Variants in RHD observed in about 807,000 individuals in gnomAD.
RHD encodes Rh blood group D antigen.
A neutral mutation model predicts 45.5 loss-of-function variants in RHD; 16 were observed. The observed-to-expected ratio is 0.35, with a 90% CI of 0.24 to 0.53. RHD has a LOEUF of 0.53. Among genes scored for constraint, RHD ranks in the 20% least tolerant of loss-of-function variants. The probability of loss-of-function intolerance (pLI) is 0.92; values close to 1 mark genes in which losing one functional copy is unlikely to be tolerated. For missense variants in RHD, 306 were observed against 532.0 expected (o/e 0.58, Z 4.18); for synonymous variants, 131 against 217.5 (o/e 0.60, Z 3.50).
At chr1:25,301,121 C>A in intron 4 of RHD, 28 bp downstream of exon 4, 1 of 1,371,364 alleles carries the variant, frequency 7.3e-7, no homozygotes, top group Non-Finnish European at 1.0e-6. Flanking sequence ...TGAGTGGTCT[C>A]CTACTTGGGC....
At position 25,307,871 on chromosome 1, in the gene RHD, C is replaced by T; in HGVS notation, c.1073+1142C>T. The stretch of plus-strand genomic sequence containing the variant: ...GGATGAGCTGTGTGAAGCAAGGCGC[C>T]TCTGTGATGGGTTCCAGTGATGTGT... On this transcript the variant is annotated intron_variant, in intron 7 of 9. Transcript: ENST00000328664. 2 of 1,274,266 alleles carry T rather than the reference C, an allele frequency of 1.6e-6. 1 individual carries two copies. Among genetic ancestry groups the T allele is most frequent in the Non-Finnish European group, 2.2e-6 (2 of 921,702 alleles). 78.9% of individuals were successfully genotyped at this position (1,274,266 alleles called of 1,614,324 possible). A position where few individuals can be genotyped will look rare whatever the true frequency, so the allele number is the denominator to read the frequency against.
intron 8 of RHD, among the ~76,000 whole-genome samples, chr1:25,319,592 G>C (rs1253616620): frequency 7.6e-6 from 1 of 132,156 alleles, no homozygotes; most frequent in African/African-American, 2.6e-5. Context: ...CTGGACAACA[G>C]AGCAAGACCC....
intron 3 of RHD, among the ~76,000 whole-genome samples, chr1:25,292,653 G>A (rs2124647956): frequency 7.7e-6 from 1 of 129,768 alleles, no homozygotes; most frequent in Admixed American, 7.5e-5. Context: ...AAGGTTGGGG[G>A]AGGGGGGGTA....
rs1402673009 is a variant in RHD at position 25,316,089 on chromosome 1, G to A, written c.1074-911G>A. 1.4e-4 allele frequency among the ~76,000 whole-genome samples: 18 copies of A among 131,062 alleles called. 6 individuals carry two copies. Among genetic ancestry groups the A allele is most frequent in the Admixed American group, 2.2e-4 (3 of 13,476 alleles). The allele number at this position is 131,062 out of a possible 152,430, so 86.0% of individuals were successfully genotyped here. A position where few individuals can be genotyped will look rare whatever the true frequency, so the allele number is the denominator to read the frequency against. ...AACTATCCGTGGGGCTGCAGTGAAC[G>A]GGCTGGCAGTGCCCAGGTGCAGGCT... On this transcript the variant is annotated intron_variant, in intron 7 of 9. Transcript: ENST00000328664.
At chr1:25,320,366 A>G (rs1644637061) in intron 8 of RHD, among the ~76,000 whole-genome samples, 2 of 132,280 alleles carry the variant, frequency 1.5e-5, no homozygotes, top group African/African-American at 5.1e-5. Context: ...AATATGTTTA[A>G]TGTTGTCTCA....
intron 3 of RHD, among the ~76,000 whole-genome samples, chr1:25,292,521 G>A (rs1472416624): frequency 7.6e-6 from 1 of 131,766 alleles, no homozygotes; most frequent in African/African-American, 2.6e-5. Context: ...TGACTTCAAG[G>A]TTCTCATCTG....
At chr1:25,299,072 T>TAAAAA (rs34867414) in intron 3 of RHD, among the ~76,000 whole-genome samples, 6 of 40,864 alleles carry the variant, frequency 1.5e-4, no homozygotes, top group Non-Finnish European at 2.3e-4. Context: ...CACATGGTGA[T>TAAAAA]AAAAAAAAAA....
In RHD at chr1:25,284,752, CTG is replaced by C. The variant is rs758701720; in HGVS notation, c.330_331del (p.Phe111GlnfsTer48). The C allele has an allele frequency of 4.8e-5, 67 of 1,388,830 alleles. 9 individuals are homozygous for C. In the African/African-American group the frequency reaches 8.4e-4, roughly 17 times the overall value. 86.0% of individuals were successfully genotyped at this position (1,388,830 alleles called of 1,614,324 possible). A position where few individuals can be genotyped will look rare whatever the true frequency, so the allele number is the denominator to read the frequency against. ...QFPSGKVVITLFSIRLATMSA... is the reference protein window; with the variant it reads ...QFPSGKVVITXFSIRLATMSA... Reference sequence around the variant, plus strand: ...CCCTTCTGGGAAGGTGGTCATCACACTGTTCAGGTATTGGGATGGTGGCTGGA... The same window carrying C: ...CCCTTCTGGGAAGGTGGTCATCACACTTCAGGTATTGGGATGGTGGCTGGA... On this transcript the variant is annotated frameshift_variant, in exon 2 of 10. Coordinates refer to ENST00000328664, the MANE Select transcript of RHD (RefSeq NM_016124.6). LOFTEE classifies it high-confidence loss of function.
chr1:25,296,162 C>T (rs1234048552), intron 3 of RHD, among the ~76,000 whole-genome samples: 1 of 120,096 alleles, frequency 8.3e-6, no homozygotes, highest in African/African-American at 2.8e-5. Context: ...CGCGCCCAGC[C>T]TGGAAGTTTG....
rs1228387887 is a variant in RHD, at chr1:25,274,098, T to G, written c.148+1403T>G. 5.3e-5 allele frequency among the ~76,000 whole-genome samples: 7 copies of G among 132,856 alleles called. No individual in the cohort carries two copies. In the East Asian group the frequency reaches 1.4e-3, roughly 26 times the overall value. The allele number at this position is 132,856 out of a possible 152,430, so 87.2% of individuals were successfully genotyped here. A position where few individuals can be genotyped will look rare whatever the true frequency, so the allele number is the denominator to read the frequency against. On this transcript the variant is annotated intron_variant, in intron 1 of 9. Transcript: ENST00000328664. ...TCCAATGTGGGATCCAGACTCATGA[T>G]GATTAGAGCTGATATTTATGAGCAC...
Position 25,299,072 on chromosome 1 carries a change from TAAAAAAAAA to T in RHD, c.487-1857_487-1849del, listed in dbSNP as rs34867414. Reference sequence around the variant, plus strand: ...GTTTAGAATTGTCAGCACATGGTGATAAAAAAAAAAAAAAAAAAAAAAAAACAGGCTGGG... The same window carrying T: ...GTTTAGAATTGTCAGCACATGGTGATAAAAAAAAAAAAAAAACAGGCTGGG... On this transcript the variant is annotated intron_variant, in intron 3 of 9. Transcript: ENST00000328664. Among the ~76,000 whole-genome samples the T allele has an allele frequency of 1.1e-3, 46 of 40,868 alleles. 2 individuals carry two copies. The highest frequency in any genetic ancestry group is 3.4e-3 in the African/African-American group (44 of 12,838). 26.8% of individuals were successfully genotyped at this position (40,868 alleles called of 152,430 possible).
At chr1:25,296,214 T>A (rs2124659310) in intron 3 of RHD, among the ~76,000 whole-genome samples, 1 of 124,348 alleles carries the variant, frequency 8.0e-6, no homozygotes, top group East Asian at 2.0e-4. Context: ...GTATGTGACT[T>A]TAACCCCTAA....
At chr1:25,300,128 C>G in intron 3 of RHD, among the ~76,000 whole-genome samples, 1 of 131,176 alleles carries the variant, frequency 7.6e-6, no homozygotes, top group Non-Finnish European at 1.8e-5. Flanking sequence ...TCATCACTCC[C>G]GCAGAGTTAA....
Position 25,329,214 on chromosome 1 carries a change from A to C in RHD, c.*290A>C. On this transcript the variant is annotated 3_prime_UTR_variant, in exon 10 of 10. Transcript: ENST00000328664. ...ATGATGGTGGTCATCCAGTAAGCTA[A>C]GGTTAATTTATTATTATTCCTTGTT... 1 of 587,562 alleles carries C rather than the reference A, an allele frequency of 1.7e-6. No individual in the cohort carries two copies. The highest frequency in any genetic ancestry group is 1.9e-5 in the South Asian group (1 of 53,730). The allele number at this position is 587,562 out of a possible 1,614,324, so 36.4% of individuals were successfully genotyped here.
At position 25,289,290 on chromosome 1, in the gene RHD, G is replaced by C. The variant is rs555422645; in HGVS notation, c.336-1351G>C. ...GCCCACTGAAACCTCTGCCTCCCGG[G>C]TTCAAGCGACTGCCATGCCTCAGCC... On this transcript the variant is annotated intron_variant, in intron 2 of 9. Transcript: ENST00000328664. Among the ~76,000 whole-genome samples the C allele has an allele frequency of 4.6e-5, 6 of 131,324 alleles. No individual in the cohort carries two copies. The South Asian group carries it at 1.4e-3, about 31-fold the overall frequency. 86.2% of individuals were successfully genotyped at this position (131,324 alleles called of 152,430 possible).
At position 25,276,923 on chromosome 1, in the gene RHD, C is replaced by T. The variant is rs1187281908; in HGVS notation, c.148+4228C>T. Among the ~76,000 whole-genome samples, 5 of 130,360 alleles carry T rather than the reference C, an allele frequency of 3.8e-5. 1 individual carries two copies. Among genetic ancestry groups the T allele is most frequent in the Admixed American group, 1.5e-4 (2 of 13,372 alleles). 85.5% of individuals were successfully genotyped at this position (130,360 alleles called of 152,430 possible). On this transcript the variant is annotated intron_variant, in intron 1 of 9. Coordinates refer to ENST00000328664, the MANE Select transcript of RHD (RefSeq NM_016124.6). ...CTACCAAAAATACAAAAAAATTAGC[C>T]GGGTGTGGTGGCGGGTGCCTGTAGT... is the stretch of plus-strand genomic sequence containing the variant.
chr1:25,286,602 C>T (rs1203703401), intron 2 of RHD, among the ~76,000 whole-genome samples: 3 of 132,924 alleles, frequency 2.3e-5, no homozygotes, highest in East Asian at 1.9e-4. Flanking sequence ...CTGGCTAACT[C>T]GGAGAAACCC....
At position 25,284,674 on chromosome 1, in the gene RHD, C is replaced by A; in HGVS notation, c.250C>A (p.Leu84Met). The stretch of plus-strand genomic sequence containing the variant: ...CAGTGTGGCCTTCAACCTCTTCATG[C>A]TGGCGCTTGGTGTGCAGTGGGCAAT... ...WSSVAFNLFM[L>M]ALGVQWAILL... Residue 84 changes from leucine (L) to methionine (M), a missense_variant, in exon 2 of 10, where the codon CTG becomes ATG. Physicochemically the swap from Leu to Met is conservative, Grantham distance 15 (BLOSUM62 2). Transcript: ENST00000328664. 7.2e-7 allele frequency: 1 copy of A among 1,388,912 alleles called. No individual in the cohort carries two copies. Among genetic ancestry groups the A allele is most frequent in the Non-Finnish European group, 1.0e-6 (1 of 985,586 alleles). The allele number at this position is 1,388,912 out of a possible 1,614,324, so 86.0% of individuals were successfully genotyped here. A position where few individuals can be genotyped will look rare whatever the true frequency, so the allele number is the denominator to read the frequency against.
intron 7 of RHD, chr1:25,306,974 AT>A: frequency 2.2e-6 from 1 of 446,610 alleles, no homozygotes; most frequent in Non-Finnish European, 4.6e-6. Context: ...AAGACACGAA[AT>A]CTTTTGTGAT....
Sources: allele counts gnomAD v4.1 joint callset (sites outside exome capture counted in the v4.1 genomes callset), GRCh38; gene constraint gnomAD v4.1.1; transcripts MANE v1.5; gene names NCBI Gene and HGNC (gene_info 2026-07-23, HGNC 2026-07-21).